The following TENM2 variants were observed in gnomAD, a reference collection of about 807,000 sequenced individuals.
TENM2 encodes teneurin transmembrane protein 2.
Under a neutral mutation model 245.2 loss-of-function variants are expected in TENM2, and 52 were observed. That is an observed-to-expected ratio of 0.21 (90% confidence interval 0.17 to 0.27). TENM2 has a LOEUF of 0.27. TENM2 is among the 10% of genes least tolerant of loss of function. TENM2 has a pLI of 1.00. For synonymous variants in TENM2, 1,363 were observed against 1,438.9 expected (o/e 0.95, Z 1.19); for missense variants, 3,046 against 3,666.8 (o/e 0.83, Z 4.37).
the TENM2 span, among the ~76,000 whole-genome samples, chr5:167,236,623 G>A: frequency 1.1e-4 from 17 of 152,310 alleles, no homozygotes; most frequent in East Asian, 3.3e-3. Context: ...GTGGTCCCCT[G>A]ATAAAAGATG....
intron 2 of TENM2, among the ~76,000 whole-genome samples, chr5:167,720,334 C>T (rs1393135529): frequency 1.3e-5 from 2 of 152,044 alleles, no homozygotes; most frequent in Admixed American, 6.5e-5. Context: ...TATGAAAGCA[C>T]ACAAAGATTG....
At chr5:167,127,583 G>C in the TENM2 span, among the ~76,000 whole-genome samples, 69 of 130,726 alleles carry the variant, frequency 5.3e-4, 1 homozygote, top group East Asian at 0.015. Context: ...TAATGGTCTT[G>C]AAAAGGAAAG....
intron 2 of TENM2, among the ~76,000 whole-genome samples, chr5:167,690,409 C>T (rs1757349945): frequency 1.3e-5 from 2 of 151,896 alleles, no homozygotes; most frequent in Non-Finnish European, 1.5e-5. Context: ...AGTTGGTATA[C>T]AGAGTAGATT....
chr5:167,110,985 C>T, the TENM2 span, among the ~76,000 whole-genome samples: 4 of 152,218 alleles, frequency 2.6e-5, no homozygotes, highest in South Asian at 8.3e-4. Flanking sequence ...TTTGAGTTCT[C>T]TCTCTCTCTT....
At position 168,147,406 on chromosome 5, in the gene TENM2, C is replaced by T. The variant is rs10044632; in HGVS notation, c.2423-15205C>T. Among the ~76,000 whole-genome samples, 888 of 152,324 alleles carry T rather than the reference C, an allele frequency of 5.8e-3. 8 individuals are homozygous for T. The highest frequency in any genetic ancestry group is 0.02 in the African/African-American group (847 of 41,576). The stretch of plus-strand genomic sequence containing the variant: ...CGGACGTTTAATTTGCTTCACACCA[C>T]GGCCTGGCTATCCTGAACTTGGAAG... On this transcript the variant is annotated intron_variant, in intron 12 of 28. Transcript: ENST00000518659.
chr5:167,095,764 C>T, the TENM2 span, among the ~76,000 whole-genome samples: 1 of 127,762 alleles, frequency 7.8e-6, no homozygotes. Flanking sequence ...CAAAGAAAGC[C>T]TTTCTTTTTT....
At chr5:167,337,554 A>G (rs1162220670) in intron 1 of TENM2, among the ~76,000 whole-genome samples, 2 of 152,148 alleles carry the variant, frequency 1.3e-5, no homozygotes, top group African/African-American at 4.8e-5. Context: ...GTAAAGGGGG[A>G]AATAATTATT....
chr5:167,034,629 CAAAAAAAA>C, the TENM2 span, among the ~76,000 whole-genome samples: 2 of 72,256 alleles, frequency 2.8e-5, no homozygotes, highest in African/African-American at 6.2e-5. Context: ...GACTCCGTCT[CAAAAAAAA>C]AAAAAAAAAA....
chr5:167,339,118 C>T (rs1205922066), intron 1 of TENM2, among the ~76,000 whole-genome samples: 2 of 152,188 alleles, frequency 1.3e-5, no homozygotes, highest in African/African-American at 4.8e-5. Context: ...AGTCTTAACT[C>T]ATTCCAACAA....
intron 7 of TENM2, among the ~76,000 whole-genome samples, chr5:168,089,307 TC>T (rs1792723398): frequency 6.6e-6 from 1 of 152,062 alleles, no homozygotes; most frequent in South Asian, 2.1e-4. Context: ...TCCTAATTGG[TC>T]CTCCTACTTT....
At chr5:168,086,146 A>G (rs1381635529) in intron 7 of TENM2, among the ~76,000 whole-genome samples, 3 of 152,128 alleles carry the variant, frequency 2.0e-5, no homozygotes. Context: ...TGTGGTTTCT[A>G]GAAGCATCTC....
chr5:168,030,451 G>T (rs1787042260), intron 5 of TENM2, among the ~76,000 whole-genome samples: 1 of 152,036 alleles, frequency 6.6e-6, no homozygotes, highest in Admixed American at 6.6e-5. Context: ...CACCTGGAAG[G>T]CTCATTAACA....
chr5:167,999,731 C>T (rs944310098), intron 5 of TENM2, among the ~76,000 whole-genome samples: 2 of 152,194 alleles, frequency 1.3e-5, no homozygotes, highest in African/African-American at 4.8e-5. Flanking sequence ...CTTTCCTCTC[C>T]GAGATTCCCA....
At chr5:167,969,281 G>C (rs918264033) in intron 4 of TENM2, among the ~76,000 whole-genome samples, 1 of 151,680 alleles carries the variant, frequency 6.6e-6, no homozygotes, top group African/African-American at 2.4e-5. Context: ...TGCTCTTCTC[G>C]TGGTAGTGAA....
the TENM2 span, among the ~76,000 whole-genome samples, chr5:167,186,890 G>A: frequency 6.6e-6 from 1 of 152,202 alleles, no homozygotes; most frequent in Non-Finnish European, 1.5e-5. Context: ...GGCTGACTGT[G>A]AGTCTCATTC....
chr5:168,106,051 A>G (rs1043908635), intron 9 of TENM2, among the ~76,000 whole-genome samples: 3 of 152,094 alleles, frequency 2.0e-5, no homozygotes, highest in African/African-American at 7.2e-5. Context: ...GCTGAGCTTG[A>G]GGCCTCAACC....
chr5:167,884,790 T>G (rs1774155800), intron 3 of TENM2, among the ~76,000 whole-genome samples: 1 of 152,210 alleles, frequency 6.6e-6, no homozygotes, highest in South Asian at 2.1e-4. Context: ...AATCATTGAA[T>G]CATACAGTAA....
intron 2 of TENM2, among the ~76,000 whole-genome samples, chr5:167,807,064 C>T (rs1242216176): frequency 7.3e-6 from 1 of 136,944 alleles, no homozygotes; most frequent in East Asian, 2.3e-4. Context: ...CTGCATGGTC[C>T]AAAGCCCCCA....
the TENM2 span, among the ~76,000 whole-genome samples, chr5:167,162,022 C>T: frequency 7.2e-5 from 11 of 151,804 alleles, no homozygotes; most frequent in Admixed American, 3.9e-4. Flanking sequence ...AAAAATTAGC[C>T]GGGTGTGGTG....
Sources: allele counts gnomAD v4.1 joint callset (sites outside exome capture counted in the v4.1 genomes callset), GRCh38; gene constraint gnomAD v4.1.1; transcripts MANE v1.5; gene names NCBI Gene and HGNC (gene_info 2026-07-23, HGNC 2026-07-21).